Variants in SDK1 observed in about 807,000 individuals in gnomAD.
SDK1 encodes protein sidekick-1.
In SDK1, 157 loss-of-function variants were observed where a neutral mutation model predicts 245.5. That is an observed-to-expected ratio of 0.64 (90% CI 0.56 to 0.73). The LOEUF is 0.73. SDK1 is among the 30% of genes least tolerant of loss of function. The pLI is 0.00. For missense variants in SDK1, 3,583 were observed against 3,002.3 expected, an observed-to-expected ratio of 1.19 and a Z score of -4.52; for synonymous variants, 1,647 against 1,278.5, an observed-to-expected ratio of 1.29 and a Z score of -6.15.
intron 9 of SDK1, among the ~76,000 whole-genome samples, chr7:3,965,814 G>C (rs1405401375): frequency 1.3e-5 from 2 of 152,066 alleles, no homozygotes; most frequent in South Asian, 2.1e-4. Flanking sequence ...GCTTCTCTAG[G>C]AGAGATTTAG....
intron 4 of SDK1, among the ~76,000 whole-genome samples, chr7:3,726,710 G>A (rs188385704): frequency 2.2e-4 from 34 of 152,302 alleles, no homozygotes; most frequent in Non-Finnish European, 2.4e-4. Flanking sequence ...ATATAATCGG[G>A]AGCTGGGAGA....
intron 17 of SDK1, among the ~76,000 whole-genome samples, chr7:4,033,307 A>C (rs1787970554): frequency 6.6e-6 from 1 of 152,244 alleles, no homozygotes; most frequent in South Asian, 2.1e-4. Flanking sequence ...ACAAGGATAC[A>C]TTCCAAGTGG....
rs1583169550 is a variant in SDK1 at position 3,563,273 on chromosome 7, T to G, written c.299-55807T>G. 2.0e-5 allele frequency among the ~76,000 whole-genome samples: 3 copies of G among 152,140 alleles called. No individual in the cohort carries two copies. The East Asian group carries it at 5.8e-4, about 29-fold the overall frequency. On this transcript the variant is annotated intron_variant, in intron 1 of 44. Coordinates refer to ENST00000404826, the MANE Select transcript of SDK1 (RefSeq NM_152744.4). ...AAAAAAAGCTGGAAAAGTTCAAGTT[T>G]TAGAGTAATTACAACGTATATTCCT...
intron 1 of SDK1, among the ~76,000 whole-genome samples, chr7:3,575,781 C>T (rs1355928340): frequency 6.6e-6 from 1 of 152,050 alleles, no homozygotes; most frequent in Non-Finnish European, 1.5e-5. Flanking sequence ...CCCAGTCTAT[C>T]ATGTGTCATT....
chr7:3,304,075 G>A (rs1182935808), intron 1 of SDK1, among the ~76,000 whole-genome samples: 2 of 152,202 alleles, frequency 1.3e-5, no homozygotes, highest in Non-Finnish European at 2.9e-5. Context: ...ACATTGATCA[G>A]TAAAAGTTAC....
chr7:4,180,632 G>A (rs950651122), intron 35 of SDK1, among the ~76,000 whole-genome samples: 3 of 152,230 alleles, frequency 2.0e-5, no homozygotes, highest in African/African-American at 7.2e-5. Flanking sequence ...TAATTTATAA[G>A]AAAAGACGTT....
chr7:4,260,737 G>A (rs952391722), intron 44 of SDK1, among the ~76,000 whole-genome samples: 7 of 147,196 alleles, frequency 4.8e-5, no homozygotes, highest in Admixed American at 6.8e-5. Context: ...TGTGTTCATC[G>A]TCACCTGATG....
At chr7:3,346,371 C>T (rs1264201213) in intron 1 of SDK1, among the ~76,000 whole-genome samples, 2 of 152,150 alleles carry the variant, frequency 1.3e-5, no homozygotes, top group Admixed American at 1.3e-4. Flanking sequence ...CATCTAGCTT[C>T]ACTTTCTTCC....
chr7:3,827,370 G>A (rs552112514), intron 5 of SDK1, among the ~76,000 whole-genome samples: 3 of 151,842 alleles, frequency 2.0e-5, no homozygotes, highest in East Asian at 1.9e-4. Context: ...CTTTCTTTCC[G>A]AACGAGATGG....
chr7:3,709,299 G>C (rs1004752601), intron 4 of SDK1, among the ~76,000 whole-genome samples: 1 of 152,222 alleles, frequency 6.6e-6, no homozygotes, highest in South Asian at 2.1e-4. Context: ...GGTTTCTCCT[G>C]AGAAGTCTGC....
chr7:4,259,711 G>A (rs1207792702), intron 44 of SDK1, among the ~76,000 whole-genome samples: 3 of 152,140 alleles, frequency 2.0e-5, no homozygotes, highest in East Asian at 3.9e-4. Flanking sequence ...CTCAGCCTTC[G>A]CCACCAAATG....
chr7:4,081,331 T>A (rs1781046216), intron 22 of SDK1, among the ~76,000 whole-genome samples: 1 of 152,136 alleles, frequency 6.6e-6, no homozygotes, highest in South Asian at 2.1e-4. Context: ...TTTCAGCTCA[T>A]CTGGGAGGGA....
intron 4 of SDK1, among the ~76,000 whole-genome samples, chr7:3,730,118 C>T (rs1273071436): frequency 2.0e-5 from 3 of 151,986 alleles, no homozygotes; most frequent in African/African-American, 4.8e-5. Flanking sequence ...AGAAAACAGC[C>T]CACAGCTTAG....
chr7:4,156,685 G>A (rs1267288248), intron 30 of SDK1, among the ~76,000 whole-genome samples: 2 of 152,218 alleles, frequency 1.3e-5, no homozygotes, highest in Admixed American at 6.5e-5. Flanking sequence ...CTAAAAAGCA[G>A]AATCCTTCCT....
At chr7:4,227,777 C>G (rs890324945) in intron 40 of SDK1, among the ~76,000 whole-genome samples, 3 of 152,210 alleles carry the variant, frequency 2.0e-5, no homozygotes, top group Non-Finnish European at 2.9e-5. Context: ...AGTGCAGACC[C>G]TTCGACGTGC....
At chr7:3,366,695 C>A (rs1054897205) in intron 1 of SDK1, among the ~76,000 whole-genome samples, 2 of 151,974 alleles carry the variant, frequency 1.3e-5, no homozygotes, top group African/African-American at 4.8e-5. Context: ...TGGTTCATGT[C>A]TTTTGCCTAT....
Position 3,413,971 on chromosome 7 carries a change from C to G in SDK1, c.298+112087C>G, listed in dbSNP as rs1476924838. Among the ~76,000 whole-genome samples the G allele has an allele frequency of 3.3e-5, 5 of 152,166 alleles. No individual in the cohort carries two copies. The East Asian group carries it at 9.7e-4, about 29-fold the overall frequency. On this transcript the variant is annotated intron_variant, in intron 1 of 44. Transcript: ENST00000404826. Reference sequence around the variant, plus strand: ...CTGGGTGATGGATGAGACCCTATCTCTAAAAAATAAAAAGATAACTTGGGC... The same window carrying G: ...CTGGGTGATGGATGAGACCCTATCTGTAAAAAATAAAAAGATAACTTGGGC...
chr7:3,818,986 G>A (rs1321620585), intron 4 of SDK1, among the ~76,000 whole-genome samples: 1 of 152,158 alleles, frequency 6.6e-6, no homozygotes, highest in African/African-American at 2.4e-5. Flanking sequence ...AGACAGGATG[G>A]GCACACGATA....
In SDK1 at chr7:4,160,684, G is replaced by T. The variant is rs887955487; in HGVS notation, c.4730-1102G>T. ...TTCCCTGCACAACCTCACAACTCAA[G>T]GACATTGAGAACTCCCTGTAATGGC... On this transcript the variant is annotated intron_variant, in intron 31 of 44. Coordinates refer to ENST00000404826, the MANE Select transcript of SDK1 (RefSeq NM_152744.4). Among the ~76,000 whole-genome samples the T allele has an allele frequency of 4.6e-5, 7 of 152,276 alleles. No individual in the cohort carries two copies. The East Asian group carries it at 1.4e-3, about 29-fold the overall frequency.
Sources: allele counts gnomAD v4.1 joint callset (sites outside exome capture counted in the v4.1 genomes callset), GRCh38; gene constraint gnomAD v4.1.1; transcripts MANE v1.5; gene names NCBI Gene and HGNC (gene_info 2026-07-23, HGNC 2026-07-21).